Variants in ANKRD30B observed in about 807,000 individuals in gnomAD.
ANKRD30B encodes the protein ankyrin repeat domain 30B, also known as ankyrin repeat domain-containing protein 30B.
ANKRD30B carries 144 observed loss-of-function variants against 202.2 expected under a neutral mutation model. That is an observed-to-expected ratio of 0.71 (90% confidence interval 0.62 to 0.82). ANKRD30B has a LOEUF of 0.82. Among genes scored for constraint, ANKRD30B ranks in the 40% least tolerant of loss-of-function variants. The pLI, the probability that ANKRD30B is intolerant of heterozygous loss-of-function variation, is 0.00. For missense variants in ANKRD30B, 1,487 were observed against 1,669.1 expected, an observed-to-expected ratio of 0.89 and a Z score of 1.90; for synonymous variants, 508 against 561.3, an observed-to-expected ratio of 0.91 and a Z score of 1.34.
chr18:14,868,440 T>G, the ANKRD30B span, among the ~76,000 whole-genome samples: 26 of 152,420 alleles, frequency 1.7e-4, no homozygotes, highest in African/African-American at 6.0e-4. Context: ...TTTTTGTTTT[T>G]GGTTGTGATA....
intron 9 of ANKRD30B, among the ~76,000 whole-genome samples, chr18:14,777,279 A>T (rs779873969): frequency 6.0e-5 from 9 of 149,148 alleles, no homozygotes; most frequent in Non-Finnish European, 1.3e-4. Context: ...TTGCCTTTAA[A>T]GTTAAAAAAA....
chr18:14,880,566 G>T, the ANKRD30B span, among the ~76,000 whole-genome samples: 67 of 128,742 alleles, frequency 5.2e-4, 1 homozygote, highest in African/African-American at 1.2e-3. Context: ...TTCTTTCTTG[G>T]TTTTTTTTTT....
chr18:14,848,963 C>T, intron 40 of ANKRD30B, 34 bp downstream of exon 40: 1 of 1,452,418 alleles, frequency 6.9e-7, no homozygotes, highest in African/African-American at 1.5e-5. Context: ...AATATTTCAA[C>T]TATTTATACT....
chr18:14,764,850 G>A (rs1237286326), intron 7 of ANKRD30B, among the ~76,000 whole-genome samples: 1 of 152,136 alleles, frequency 6.6e-6, no homozygotes, highest in African/African-American at 2.4e-5. Flanking sequence ...TTGTTGGCTG[G>A]ATTATACCAC....
chr18:14,845,838 C>A (rs1971615706), intron 39 of ANKRD30B, among the ~76,000 whole-genome samples: 1 of 152,040 alleles, frequency 6.6e-6, no homozygotes, highest in Non-Finnish European at 1.5e-5. Context: ...TTTCCCTGTG[C>A]CCTCACATGG....
intron 39 of ANKRD30B, among the ~76,000 whole-genome samples, chr18:14,843,754 A>C (rs1295524617): frequency 3.3e-5 from 5 of 152,158 alleles, no homozygotes; most frequent in African/African-American, 1.2e-4. Context: ...AGATGGCGCC[A>C]CTGCACTCCA....
chr18:14,905,438 T>C, the ANKRD30B span: 2 of 152,300 alleles, frequency 1.3e-5, no homozygotes, highest in East Asian at 3.9e-4. Context: ...AATTCAAGGA[T>C]TTTCTGATCA....
chr18:14,791,315 A>T (rs1968489050), intron 15 of ANKRD30B, 86 bp from the exon 16 acceptor site: 5 of 1,159,762 alleles, frequency 4.3e-6, no homozygotes, highest in Non-Finnish European at 6.2e-6. Context: ...TTGTGTTTTT[A>T]AAAAAGATTC....
At chr18:14,852,632 A>G in intron 42 of ANKRD30B, 1 of 505,306 alleles carries the variant, frequency 2.0e-6, no homozygotes, top group South Asian at 6.9e-5. Context: ...TGATGAAATT[A>G]TAAGAGTTTA....
chr18:14,828,083 T>G (rs1160675318), intron 32 of ANKRD30B, among the ~76,000 whole-genome samples, 195 bp from the exon 33 acceptor site: 1 of 152,216 alleles, frequency 6.6e-6, no homozygotes, highest in Non-Finnish European at 1.5e-5. Context: ...GTGATTCTTT[T>G]AAGTTAAGTT....
At chr18:14,780,271 C>A (rs1342056070) in intron 11 of ANKRD30B, among the ~76,000 whole-genome samples, 1 of 151,906 alleles carries the variant, frequency 6.6e-6, no homozygotes, top group Non-Finnish European at 1.5e-5. Flanking sequence ...TATGGTGAAA[C>A]CCTGTCTGTA....
rs1252090074 is a variant in ANKRD30B, at chr18:14,803,768, G to A, written c.2228G>A (p.Cys743Tyr). 5 of 1,606,970 alleles carry A rather than the reference G, an allele frequency of 3.1e-6. No homozygotes were observed. The highest frequency in any genetic ancestry group is 1.4e-5 in the African/African-American group (1 of 73,624). ...FLETLLQNDV[C>Y]LPKATHQKEF... The stretch of plus-strand genomic sequence containing the variant: ...GAGACTCTCTTACAGAATGATGTGT[G>A]TTTACCCAAGGCTACACATCAAAAA... Residue 743 changes from cysteine to tyrosine, a missense_variant, in exon 24 of 44, where the codon TGT (cysteine) becomes TAT (tyrosine). By Grantham distance (194) the Cys-to-Tyr change is radical (BLOSUM62 -2). Transcript: ENST00000690538.
the ANKRD30B span, among the ~76,000 whole-genome samples, chr18:14,897,419 C>G: frequency 6.6e-6 from 1 of 152,044 alleles, no homozygotes; most frequent in Admixed American, 6.5e-5. Context: ...GACCTCAGGT[C>G]ATTCACCTGC....
rs919871642 is a variant in ANKRD30B, at chr18:14,761,095, T to C, written c.820+477T>C. Among the ~76,000 whole-genome samples the C allele has an allele frequency of 4.6e-5, 7 of 152,314 alleles. No homozygotes were observed. The East Asian group carries it at 9.6e-4, about 21-fold the overall frequency. On this transcript the variant is annotated intron_variant, in intron 6 of 43. Transcript: ENST00000690538. ...AAATGTTATTACAAATGATAATTAG[T>C]TTACATGCCCTGAATTACAAGCCAC...
chr18:14,753,001 G>C lies in ANKRD30B; in HGVS notation c.499G>C (p.Val167Leu). The C allele has an allele frequency of 6.3e-7, 1 of 1,592,360 alleles. No homozygotes were observed. Among genetic ancestry groups the C allele is most frequent in the Non-Finnish European group, 8.5e-7 (1 of 1,169,688 alleles). Residue 167 changes from valine (V) to leucine (L), a missense_variant, in exon 3 of 44, where the codon GTG (valine) becomes CTG (leucine). Transcript: ENST00000690538. ...TLLSYGAVIEVQNKASLTPLL... is the reference protein window; with the variant it reads ...TLLSYGAVIELQNKASLTPLL... Reference sequence around the variant, plus strand: ...GCTGTCCTATGGTGCAGTCATCGAGGTGCAAAACAAGGTAGACATTAACCA... The same window carrying C: ...GCTGTCCTATGGTGCAGTCATCGAGCTGCAAAACAAGGTAGACATTAACCA...
chr18:14,851,192 T>G (rs1345069588), intron 41 of ANKRD30B, among the ~76,000 whole-genome samples: 1 of 151,690 alleles, frequency 6.6e-6, no homozygotes, highest in East Asian at 1.9e-4. Context: ...TCAAATTGAT[T>G]AATCTTTTAT....
intron 39 of ANKRD30B, among the ~76,000 whole-genome samples, chr18:14,846,604 T>C (rs1459102610): frequency 6.6e-6 from 1 of 152,086 alleles, no homozygotes; most frequent in Non-Finnish European, 1.5e-5. Flanking sequence ...GAAGCATTTA[T>C]GTTATTATCT....
In ANKRD30B at chr18:14,791,203, T is replaced by C. The variant is rs184471463; in HGVS notation, c.1735-198T>C. Among the ~76,000 whole-genome samples, 10 of 152,328 alleles carry C rather than the reference T, an allele frequency of 6.6e-5. No homozygotes were observed. In the East Asian group the frequency reaches 1.7e-3, roughly 26 times the overall value. On this transcript the variant is annotated intron_variant, in intron 15 of 43. Coordinates refer to ENST00000690538, the MANE Select transcript of ANKRD30B (RefSeq NM_001367607.2). The stretch of plus-strand genomic sequence containing the variant: ...TAGAGGTGTTTATAGTATTCTCTGA[T>C]GGCAGTTTGTATTTCTGTGGGATTG...
intron 12 of ANKRD30B, among the ~76,000 whole-genome samples, chr18:14,783,087 C>T (rs570331136): frequency 6.6e-6 from 1 of 152,214 alleles, no homozygotes; most frequent in Admixed American, 6.5e-5. Context: ...CTTTTCCTGT[C>T]TTTCTCACTA....
Sources: allele counts gnomAD v4.1 joint callset (sites outside exome capture counted in the v4.1 genomes callset), GRCh38; gene constraint gnomAD v4.1.1; transcripts MANE v1.5; gene names NCBI Gene and HGNC (gene_info 2026-07-23, HGNC 2026-07-21).